The following CCPG1 variants were observed in gnomAD, a reference collection of about 807,000 sequenced individuals.
The protein encoded by CCPG1 is cell cycle progression protein 1.
Under a neutral mutation model 81.3 loss-of-function variants are expected in CCPG1, and 46 were observed. The ratio of observed to expected loss-of-function variants is 0.57; its 90% CI spans 0.45 to 0.72. The LOEUF is 0.72. Ranked by LOEUF, CCPG1 falls within the 30% of genes least tolerant of loss-of-function variation. CCPG1 has a pLI of 0.00. For synonymous variants in CCPG1, 330 were observed against 305.2 expected (o/e 1.08, Z -0.85); for missense variants, 902 against 937.6 (o/e 0.96, Z 0.50).
chr15:55,406,436 C>CTTTTTTTTT (rs143238270), intron 1 of CCPG1, among the ~76,000 whole-genome samples: 182 of 126,274 alleles, frequency 1.4e-3, no homozygotes, highest in Non-Finnish European at 1.9e-3. Flanking sequence ...TTCTTTTTCT[C>CTTTTTTTTT]TTTTTTTTTT....
chr15:55,397,424 G>C (rs1469146517), intron 1 of CCPG1, among the ~76,000 whole-genome samples: 1 of 143,064 alleles, frequency 7.0e-6, no homozygotes, highest in African/African-American at 3.0e-5. Context: ...GGGGAGCAAA[G>C]GCAGAAGCAA....
intron 1 of CCPG1, among the ~76,000 whole-genome samples, chr15:55,404,879 G>T (rs2057188021): frequency 6.6e-6 from 1 of 152,180 alleles, no homozygotes; most frequent in South Asian, 2.1e-4. Context: ...AGACCATCCT[G>T]GCCATTATGG....
intron 1 of CCPG1, among the ~76,000 whole-genome samples, chr15:55,392,980 T>A (rs894758468): frequency 2.6e-5 from 4 of 152,138 alleles, no homozygotes; most frequent in Non-Finnish European, 5.9e-5. Context: ...GGCAAGCACC[T>A]GTAATCCCAG....
At chr15:55,390,165 G>A (rs1269025126) in intron 1 of CCPG1, among the ~76,000 whole-genome samples, 2 of 151,870 alleles carry the variant, frequency 1.3e-5, no homozygotes, top group African/African-American at 4.8e-5. Flanking sequence ...CTCGTGATCC[G>A]CCTGCCTCAG....
At chr15:55,357,911 G>A (rs2056115301) in intron 8 of CCPG1, 1 of 152,176 alleles carries the variant, frequency 6.6e-6, no homozygotes, top group African/African-American at 2.4e-5. Context: ...GTAATGTAAT[G>A]AAATAATGCA....
intron 8 of CCPG1, chr15:55,358,554 A>G (rs1024133962): frequency 1.0e-6 from 1 of 985,432 alleles, no homozygotes. Context: ...CTTCCTTTTA[A>G]GTGAAATTCC....
At chr15:55,379,937 A>G (rs1285292145) in intron 3 of CCPG1, among the ~76,000 whole-genome samples, 2 of 151,834 alleles carry the variant, frequency 1.3e-5, no homozygotes, top group Non-Finnish European at 2.9e-5. Context: ...CGTTTCTACT[A>G]AAAATACAAA....
At chr15:55,387,856 T>C (rs927901489) in intron 2 of CCPG1, among the ~76,000 whole-genome samples, 1 of 141,818 alleles carries the variant, frequency 7.1e-6, no homozygotes, top group Non-Finnish European at 1.5e-5. Flanking sequence ...ATAATTTTTA[T>C]TAAAAAAACA....
At position 55,387,703 on chromosome 15, in the gene CCPG1, C is replaced by T. The variant is rs139925452; in HGVS notation, c.60+1662G>A. The stretch of plus-strand genomic sequence containing the variant: ...GGGATTACAGGCATGTGCGACCACG[C>T]CTGGCTAATTTTGTATTTTTAGTAG... On this transcript the variant is annotated intron_variant, in intron 2 of 8. Coordinates refer to ENST00000442196, the MANE Select transcript of CCPG1 (RefSeq NM_001204450.2). Among the ~76,000 whole-genome samples the T allele has an allele frequency of 9.8e-3, 1,488 of 151,766 alleles. 19 individuals are homozygous for T. The highest frequency in any genetic ancestry group is 0.034 in the African/African-American group (1,408 of 41,436).
rs369002461 is a variant in CCPG1, at chr15:55,360,162, T to C, written c.1611A>G (p.Lys537=). 6.2e-7 allele frequency: 1 copy of C among 1,613,692 alleles called. No homozygotes were observed. Among genetic ancestry groups the C allele is most frequent in the Non-Finnish European group, 8.5e-7 (1 of 1,179,910 alleles). The change falls in exon 8 of 9, where the codon AAA becomes AAG. Residue 537 remains lysine (K), a synonymous_variant. Transcript: ENST00000442196. ...DSVKSTFRHF[K]DTTKNIFDEK... is the part of the protein sequence containing the mutation. The stretch of plus-strand genomic sequence containing the variant: ...CATCAAAGATATTCTTGGTGGTATC[T>C]TTAAAGTGTCTGAAAGTGGATTTAA...
rs768224773 is a variant in CCPG1 at position 55,360,605 on chromosome 15, G to A, written c.1168C>T (p.Arg390Ter). ...CCCCTTAAAGCCGTAGTTACTAGTC[G>A]TTCTCTCTCCAGTTCTCTCTTTAGC... is the stretch of plus-strand genomic sequence containing the variant. ...KMLKRELERE[R>*]LVTTALRGEL... The change falls in exon 8 of 9, where the codon CGA becomes TGA. Residue 390 changes from arginine (R) to a stop codon, truncating the protein, a stop_gained. Transcript: ENST00000442196. LOFTEE classifies it high-confidence loss of function. 4 of 1,613,840 alleles carry A rather than the reference G, an allele frequency of 2.5e-6. No homozygotes were observed. The highest frequency in any genetic ancestry group is 3.4e-6 in the Non-Finnish European group (4 of 1,179,980).
intron 1 of CCPG1, among the ~76,000 whole-genome samples, chr15:55,393,031 G>C (rs1487908957): frequency 1.3e-5 from 2 of 152,224 alleles, no homozygotes; most frequent in Admixed American, 6.5e-5. Flanking sequence ...TTGAACCCAG[G>C]AGGCGGATGT....
chr15:55,396,312 G>A (rs546343598), intron 1 of CCPG1, among the ~76,000 whole-genome samples: 6 of 152,174 alleles, frequency 3.9e-5, no homozygotes, highest in Admixed American at 6.5e-5. Context: ...AGTTACAAAG[G>A]CTAAGAAATC....
chr15:55,380,489 G>T (rs1028717316), intron 3 of CCPG1, among the ~76,000 whole-genome samples: 5 of 151,316 alleles, frequency 3.3e-5, no homozygotes, highest in Non-Finnish European at 5.9e-5. Context: ...TACAGACGGG[G>T]TTTCACCGTG....
rs12901129 is a variant in CCPG1 at position 55,378,841 on chromosome 15, C to T, written c.176-465G>A. ...CGAACTCCTGACTTCAAGCGATCCG[C>T]CCACCTTGGCCTCCCAAAGTGCTGG... On this transcript the variant is annotated intron_variant, in intron 3 of 8. Transcript: ENST00000442196. Among the ~76,000 whole-genome samples the T allele has an allele frequency of 1.4e-4, 22 of 152,224 alleles. No individual in the cohort carries two copies. The East Asian group carries it at 4.2e-3, about 29-fold the overall frequency.
chr15:55,374,115 ACT>A, intron 5 of CCPG1: 1 of 1,112,366 alleles, frequency 9.0e-7, no homozygotes, highest in Non-Finnish European at 1.2e-6. Flanking sequence ...GACTAGGCAC[ACT>A]CAGCTCTAGA....
intron 1 of CCPG1, among the ~76,000 whole-genome samples, chr15:55,403,743 T>C (rs1457629432): frequency 1.3e-5 from 2 of 152,186 alleles, no homozygotes; most frequent in Non-Finnish European, 2.9e-5. Flanking sequence ...TGTAATCCTT[T>C]ATCACTTACA....
intron 6 of CCPG1, among the ~76,000 whole-genome samples, chr15:55,369,660 T>C (rs1284970068): frequency 6.6e-6 from 1 of 152,232 alleles, no homozygotes; most frequent in African/African-American, 2.4e-5. Context: ...TATCCAGGCT[T>C]TTCATAGCCT....
In CCPG1 at chr15:55,371,831, A is replaced by G; in HGVS notation, c.668T>C (p.Leu223Ser). 1 of 1,614,162 alleles carries G rather than the reference A, an allele frequency of 6.2e-7. No individual in the cohort carries two copies. The highest frequency in any genetic ancestry group is 1.1e-5 in the South Asian group (1 of 91,088). Residue 223 changes from leucine to serine, a missense_variant, in exon 6 of 9, where the codon TTG becomes TCG. This residue lies in a region of CCPG1 where 746 missense variants were observed against 728.6 expected (regional missense o/e 1.02). Coordinates refer to ENST00000442196, the MANE Select transcript of CCPG1 (RefSeq NM_001204450.2). ...SGLNKCVILA[L>S]VIAISMGFGH... ...AAATCCCATGCTGATTGCAATCACC[A>G]AAGCAAGTATAACACACTTATTGAG...
Sources: gnomAD v4.1 joint callset for allele counts (sites outside exome capture counted in the v4.1 genomes callset) on GRCh38, gnomAD v4.1.1 for gene constraint, gnomAD v4.1.1 regional missense constraint, MANE v1.5 for transcripts, NCBI Gene and HGNC (gene_info 2026-07-23, HGNC 2026-07-21) for gene names.